Variants in CDK5RAP1 observed in about 807,000 individuals in gnomAD.
CDK5RAP1 encodes mitochondrial tRNA methylthiotransferase CDK5RAP1.
CDK5RAP1 carries 62 observed loss-of-function variants against 64.5 expected under a neutral mutation model. The observed-to-expected ratio is 0.96, with a 90% CI of 0.78 to 1.19. The LOEUF is 1.19. CDK5RAP1 is among the 50% of genes most tolerant of loss of function. The pLI is 0.00. For missense variants in CDK5RAP1, 657 were observed against 735.0 expected, an observed-to-expected ratio of 0.89 and a Z score of 1.23; for synonymous variants, 250 against 261.9, an observed-to-expected ratio of 0.95 and a Z score of 0.44.
At position 33,379,533 on chromosome 20, in the gene CDK5RAP1, A is replaced by T. The variant is rs773695171; in HGVS notation, c.1035T>A (p.Asp345Glu). 1 of 1,614,130 alleles carries T rather than the reference A, an allele frequency of 6.2e-7. No homozygotes were observed. Among genetic ancestry groups the T allele is most frequent in the South Asian group, 1.1e-5 (1 of 91,078 alleles). The change falls in exon 8 of 14, where the codon GAT becomes GAA. Residue 345 changes from aspartate (D) to glutamate (E), a missense_variant. Coordinates refer to ENST00000346416, the MANE Select transcript of CDK5RAP1 (RefSeq NM_016408.4). ...QGGLRFAHLL[D>E]QVSRVDPEMR... ...TTTCAGGATCTACTCTGGAGACCTG[A>T]TCCAGAAGATGAGCAAAACGAAGTC... is the stretch of plus-strand genomic sequence containing the variant.
At chr20:33,360,171 T>G in intron 13 of CDK5RAP1, 180 bp downstream of exon 13, 3 of 608,406 alleles carry the variant, frequency 4.9e-6, no homozygotes, top group Non-Finnish European at 5.8e-6. Context: ...GTAAGAAGAA[T>G]AAGAAGGCAT....
intron 8 of CDK5RAP1, among the ~76,000 whole-genome samples, chr20:33,378,633 C>G (rs750073771): frequency 1.3e-5 from 2 of 152,094 alleles, no homozygotes; most frequent in African/African-American, 4.8e-5. Context: ...TCACAACAAC[C>G]CAAAGCAGGA....
At chr20:33,380,783 C>A (rs932832319) in intron 7 of CDK5RAP1, among the ~76,000 whole-genome samples, 9 of 152,116 alleles carry the variant, frequency 5.9e-5, no homozygotes, top group Non-Finnish European at 1.2e-4. Flanking sequence ...GTGGGCGGAT[C>A]ACACGGTCAG....
intron 12 of CDK5RAP1, among the ~76,000 whole-genome samples, chr20:33,364,188 C>CTT (rs11479107): frequency 1.8e-4 from 24 of 135,496 alleles, no homozygotes; most frequent in African/African-American, 4.1e-4. Context: ...GAAGAAATAG[C>CTT]TTTTTTTTTT....
rs139463807 is a variant in CDK5RAP1 at position 33,400,025 on chromosome 20, CAGAG to C, written c.-21+1399_-21+1402del. ...CGCCACCACACTCCAGCCTGGGCAACAGAGAGAGAGAGAACTTGTCTCAAAAAAA... is the reference window on the plus strand; with the variant it reads ...CGCCACCACACTCCAGCCTGGGCAACAGAGAGAGAACTTGTCTCAAAAAAA... On this transcript the variant is annotated intron_variant, in intron 1 of 13. Coordinates refer to ENST00000346416, the MANE Select transcript of CDK5RAP1 (RefSeq NM_016408.4). 7.5e-3 allele frequency among the ~76,000 whole-genome samples: 1,145 copies of C among 151,954 alleles called. 9 individuals carry two copies. Among genetic ancestry groups the C allele is most frequent in the African/African-American group, 0.026 (1,078 of 41,486 alleles).
rs929270362 is a variant in CDK5RAP1, at chr20:33,363,590, A to AT, written c.1543-3100dup. On this transcript the variant is annotated intron_variant, in intron 12 of 13. Coordinates refer to ENST00000346416, the MANE Select transcript of CDK5RAP1 (RefSeq NM_016408.4). ...ATGGGTTTGCAGTTGTTTTACAGTAATTTTTTTTTTAAAAAAAGAGAGTTC... is the reference window on the plus strand; with the variant it reads ...ATGGGTTTGCAGTTGTTTTACAGTAATTTTTTTTTTTAAAAAAAGAGAGTTC... 8.6e-4 allele frequency among the ~76,000 whole-genome samples: 130 copies of AT among 150,820 alleles called. 1 individual carries two copies. The Middle Eastern group carries it at 0.024, about 28-fold the overall frequency.
At chr20:33,389,679 C>T (rs2146699041) in intron 5 of CDK5RAP1, among the ~76,000 whole-genome samples, 1 of 152,206 alleles carries the variant, frequency 6.6e-6, no homozygotes, top group East Asian at 1.9e-4. Context: ...AGCCCTTCTG[C>T]CCGGCCGCCA....
rs1459559076 is a variant in CDK5RAP1, at chr20:33,359,056, G to A, written c.1751C>T (p.Ser584Phe). The A allele has an allele frequency of 1.2e-6, 2 of 1,612,728 alleles. No individual in the cohort carries two copies. Among genetic ancestry groups the A allele is most frequent in the African/African-American group, 1.3e-5 (1 of 74,900 alleles). The change falls in exon 14 of 14, where the codon TCT (serine) becomes TTT (phenylalanine). Residue 584 changes from serine to phenylalanine, a missense_variant. Ser to Phe is a radical substitution (Grantham distance 155). Coordinates refer to ENST00000346416, the MANE Select transcript of CDK5RAP1 (RefSeq NM_016408.4). ...CATCCTCTCAGGTCAGCAATATGCAGAAGAGTCCCTCAGAGTGGTCCTGCA... is the reference window on the plus strand; with the variant it reads ...CATCCTCTCAGGTCAGCAATATGCAAAAGAGTCCCTCAGAGTGGTCCTGCA... ...VLCRTTLRDS[S>F]AYC is the part of the protein sequence containing the mutation.
chr20:33,390,189 G>T (rs1245710704), intron 5 of CDK5RAP1, among the ~76,000 whole-genome samples: 1 of 151,598 alleles, frequency 6.6e-6, no homozygotes, highest in Non-Finnish European at 1.5e-5. Flanking sequence ...CAGGAGGATT[G>T]CTTGAGCCTG....
chr20:33,386,551 G>A (rs184616542), intron 6 of CDK5RAP1, among the ~76,000 whole-genome samples: 6 of 152,204 alleles, frequency 3.9e-5, no homozygotes, highest in Admixed American at 2.0e-4. Flanking sequence ...CATTTCTCAC[G>A]CCTTCCTGAT....
chr20:33,396,609 G>A, intron 2 of CDK5RAP1, 152 bp downstream of exon 2: 1 of 694,104 alleles, frequency 1.4e-6, no homozygotes, highest in Non-Finnish European at 2.5e-6. Flanking sequence ...CGAGTTTCTT[G>A]ATATTAATAT....
intron 6 of CDK5RAP1, 96 bp downstream of exon 6, chr20:33,387,227 G>A: frequency 1.1e-6 from 1 of 917,892 alleles, no homozygotes; most frequent in Non-Finnish European, 1.7e-6. Flanking sequence ...CTGCACTCCA[G>A]CCTGGATGAC....
At chr20:33,374,236 G>A in intron 8 of CDK5RAP1, 24 bp from the exon 9 acceptor site, 1 of 1,470,356 alleles carries the variant, frequency 6.8e-7, no homozygotes, top group Non-Finnish European at 9.5e-7. Flanking sequence ...ACACATTATA[G>A]GTAATCACAA....
At chr20:33,377,368 T>C (rs1412254277) in intron 8 of CDK5RAP1, among the ~76,000 whole-genome samples, 3 of 152,214 alleles carry the variant, frequency 2.0e-5, no homozygotes, top group East Asian at 1.9e-4. Context: ...TCTGGATAAC[T>C]TGCACAGCTT....
intron 4 of CDK5RAP1, among the ~76,000 whole-genome samples, chr20:33,393,464 C>T (rs1988558092): frequency 6.6e-6 from 1 of 151,942 alleles, no homozygotes; most frequent in South Asian, 2.1e-4. Context: ...GGGTTCATTT[C>T]GGAATCACCC....
chr20:33,390,443 G>A (rs919779770), intron 5 of CDK5RAP1, among the ~76,000 whole-genome samples: 2 of 152,108 alleles, frequency 1.3e-5, no homozygotes, highest in African/African-American at 4.8e-5. Flanking sequence ...AAAGTAGAAT[G>A]GTGATTGCCA....
At chr20:33,374,380 A>G (rs1180574362) in intron 8 of CDK5RAP1, among the ~76,000 whole-genome samples, 168 bp from the exon 9 acceptor site, 2 of 152,150 alleles carry the variant, frequency 1.3e-5, no homozygotes, top group Non-Finnish European at 2.9e-5. Context: ...TTCAAGCCCC[A>G]TTCTATTTGT....
intron 1 of CDK5RAP1, among the ~76,000 whole-genome samples, chr20:33,401,034 C>T (rs887944650): frequency 6.6e-6 from 1 of 152,250 alleles, no homozygotes; most frequent in Non-Finnish European, 1.5e-5. Flanking sequence ...TTAATTCTGA[C>T]AGTCGGCAAT....
chr20:33,359,089 T>A lies in CDK5RAP1; in HGVS notation c.1718A>T (p.His573Leu). The change falls in exon 14 of 14, where the codon CAT (histidine) becomes CTT (leucine). Residue 573 changes from histidine (H) to leucine (L), a missense_variant. His to Leu is a moderately conservative substitution (Grantham distance 99). Coordinates refer to ENST00000346416, the MANE Select transcript of CDK5RAP1 (RefSeq NM_016408.4). ...CCTCAGAGTGGTCCTGCAGAGAACA[T>A]GTCCCCTAAGTGTCTGAGAACTGGC... ...TSASSQTLRG[H>L]VLCRTTLRDS... is the part of the protein sequence containing the mutation. The A allele has an allele frequency of 6.2e-7, 1 of 1,613,964 alleles. No individual in the cohort carries two copies.
Sources: allele counts gnomAD v4.1 joint callset (sites outside exome capture counted in the v4.1 genomes callset), GRCh38; gene constraint gnomAD v4.1.1; transcripts MANE v1.5; gene names NCBI Gene and HGNC (gene_info 2026-07-23, HGNC 2026-07-21).